The following TAOK1 variants were observed in gnomAD, a reference collection of about 807,000 sequenced individuals.
TAOK1 encodes serine/threonine-protein kinase TAO1.
Under a neutral mutation model 138.3 loss-of-function variants are expected in TAOK1, and 21 were observed. That is an observed-to-expected ratio of 0.15 (90% CI 0.11 to 0.22). The LOEUF is 0.22. Among genes scored for constraint, TAOK1 ranks in the 10% least tolerant of loss-of-function variants. TAOK1 has a pLI of 1.00. For synonymous variants in TAOK1, 361 were observed against 398.4 expected (o/e 0.91, Z 1.12); for missense variants, 651 against 1,227.7 (o/e 0.53, Z 7.02).
At chr17:29,434,196 T>C (rs1298458428) in intron 1 of TAOK1, among the ~76,000 whole-genome samples, 1 of 152,176 alleles carries the variant, frequency 6.6e-6, no homozygotes, top group Non-Finnish European at 1.5e-5. Context: ...GTTCCCTTCC[T>C]CTGAGCCCAA....
At chr17:29,479,086 C>T (rs1264602250) in intron 6 of TAOK1, among the ~76,000 whole-genome samples, 1 of 151,166 alleles carries the variant, frequency 6.6e-6, no homozygotes, top group African/African-American at 2.4e-5. Flanking sequence ...GATTGTGCCA[C>T]TGTACACACT....
intron 19 of TAOK1, among the ~76,000 whole-genome samples, chr17:29,536,025 GCTCACGC>G (rs1271260932): frequency 1.3e-5 from 2 of 152,180 alleles, no homozygotes; most frequent in Non-Finnish European, 2.9e-5. Flanking sequence ...AGGCACAGTG[GCTCACGC>G]CTGTAATCCC....
At chr17:29,481,124 A>C (rs901353326) in intron 7 of TAOK1, among the ~76,000 whole-genome samples, 3 of 152,106 alleles carry the variant, frequency 2.0e-5, no homozygotes, top group African/African-American at 7.2e-5. Context: ...ACATGAGCTT[A>C]TAACTTCAAG....
chr17:29,471,865 T>G (rs2030826401), intron 3 of TAOK1, among the ~76,000 whole-genome samples: 1 of 152,268 alleles, frequency 6.6e-6, no homozygotes, highest in Admixed American at 6.5e-5. Flanking sequence ...TCTGTAACTC[T>G]GTTACTGCTT....
At chr17:29,539,041 G>A (rs1410172276) in intron 19 of TAOK1, among the ~76,000 whole-genome samples, 4 of 152,102 alleles carry the variant, frequency 2.6e-5, no homozygotes, top group Non-Finnish European at 5.9e-5. Context: ...CGGATCACTT[G>A]GTGCTCAGGA....
At chr17:29,458,923 T>C (rs2030463612) in intron 2 of TAOK1, among the ~76,000 whole-genome samples, 1 of 152,164 alleles carries the variant, frequency 6.6e-6, no homozygotes, top group Non-Finnish European at 1.5e-5. Flanking sequence ...TTTTACCATG[T>C]TGGCCAGGCT....
intron 7 of TAOK1, 79 bp downstream of exon 7, chr17:29,480,560 T>C: frequency 8.1e-7 from 1 of 1,239,720 alleles, no homozygotes; most frequent in Non-Finnish European, 1.1e-6. Context: ...AAGTGTAAGG[T>C]AAAGTACTGT....
intron 1 of TAOK1, among the ~76,000 whole-genome samples, chr17:29,410,586 A>G (rs1033928240): frequency 7.3e-6 from 1 of 136,802 alleles, no homozygotes; most frequent in African/African-American, 2.8e-5. Flanking sequence ...TACCTGGCAT[A>G]TTGTGTTACA....
chr17:29,462,334 A>G (rs1030475098), intron 2 of TAOK1, among the ~76,000 whole-genome samples: 1 of 152,214 alleles, frequency 6.6e-6, no homozygotes, highest in Non-Finnish European at 1.5e-5. Flanking sequence ...ATTACCAGGA[A>G]GATAAACATA....
At chr17:29,465,459 T>C (rs1044707947) in intron 2 of TAOK1, among the ~76,000 whole-genome samples, 14 of 152,040 alleles carry the variant, frequency 9.2e-5, no homozygotes, top group African/African-American at 3.4e-4. Flanking sequence ...CCTTACTTAA[T>C]TTTTTAAAGC....
chr17:29,533,260 G>A (rs374878690), intron 18 of TAOK1, among the ~76,000 whole-genome samples: 1 of 145,636 alleles, frequency 6.9e-6, no homozygotes, highest in Admixed American at 6.8e-5. Context: ...GGGCAGAGAC[G>A]CTCCTCACTT....
At chr17:29,392,043 C>T (rs576520733) in intron 1 of TAOK1, among the ~76,000 whole-genome samples, 2 of 152,166 alleles carry the variant, frequency 1.3e-5, no homozygotes, top group Admixed American at 1.3e-4. Flanking sequence ...GGTGAAACCC[C>T]GTCTCTGCTA....
intron 1 of TAOK1, among the ~76,000 whole-genome samples, chr17:29,392,202 C>T (rs951729252): frequency 5.3e-5 from 8 of 151,786 alleles, no homozygotes; most frequent in Non-Finnish European, 1.2e-4. Flanking sequence ...GGCGACAGAG[C>T]GAGACTCCGT....
At chr17:29,418,555 A>G (rs1905326533) in intron 1 of TAOK1, among the ~76,000 whole-genome samples, 1 of 152,104 alleles carries the variant, frequency 6.6e-6, no homozygotes, top group Admixed American at 6.6e-5. Flanking sequence ...GATTGGTTCC[A>G]GGACCCCTGT....
At chr17:29,434,874 T>G (rs556797693) in intron 1 of TAOK1, among the ~76,000 whole-genome samples, 5 of 152,154 alleles carry the variant, frequency 3.3e-5, no homozygotes, top group Non-Finnish European at 7.3e-5. Flanking sequence ...GACAAAGATG[T>G]GTCTCAGGGG....
At position 29,522,833 on chromosome 17, in the gene TAOK1, AG is replaced by A. The variant is rs1348386114; in HGVS notation, c.2148+316del. ...CTCACGCCTGTAATCCCAGCAGTTT[AG>A]GAGGCCAAGGCGGGTGGATCACCTG... On this transcript the variant is annotated intron_variant, in intron 17 of 19. Transcript: ENST00000261716. 7.9e-5 allele frequency among the ~76,000 whole-genome samples: 12 copies of A among 152,246 alleles called. No homozygotes were observed. In the East Asian group the frequency reaches 2.3e-3, roughly 29 times the overall value.
At chr17:29,477,277 A>G (rs1053478361) in intron 4 of TAOK1, among the ~76,000 whole-genome samples, 3 of 152,138 alleles carry the variant, frequency 2.0e-5, no homozygotes, top group Admixed American at 1.3e-4. Flanking sequence ...ACGATGATCA[A>G]TATTGTTACT....
intron 1 of TAOK1, among the ~76,000 whole-genome samples, chr17:29,405,918 A>G (rs1031060181): frequency 2.6e-5 from 4 of 152,172 alleles, no homozygotes; most frequent in Admixed American, 2.0e-4. Context: ...AGGTTCAGTA[A>G]TGACACATCT....
chr17:29,471,956 T>C (rs2030828026), intron 3 of TAOK1, among the ~76,000 whole-genome samples: 1 of 152,228 alleles, frequency 6.6e-6, no homozygotes, highest in African/African-American at 2.4e-5. Flanking sequence ...ACTCAAGTTT[T>C]ATCATGAAAT....
Sources: gnomAD v4.1 joint callset for allele counts (sites outside exome capture counted in the v4.1 genomes callset) on GRCh38, gnomAD v4.1.1 for gene constraint, MANE v1.5 for transcripts, NCBI Gene and HGNC (gene_info 2026-07-23, HGNC 2026-07-21) for gene names.